Variants in NELL1 observed in about 807,000 individuals in gnomAD.
NELL1 encodes neural EGFL like 1.
Under a neutral mutation model 107.4 loss-of-function variants are expected in NELL1, and 76 were observed. The observed-to-expected ratio is 0.71, with a 90% confidence interval of 0.59 to 0.86. The LOEUF is 0.86. NELL1 is among the 40% of genes least tolerant of loss of function. The pLI, the probability that NELL1 is intolerant of heterozygous loss-of-function variation, is 0.00. For synonymous variants in NELL1, 353 were observed against 341.2 expected (o/e 1.03, Z -0.38); for missense variants, 1,024 against 1,005.5 (o/e 1.02, Z -0.25).
chr11:20,698,824 C>A (rs1047500159), intron 2 of NELL1, among the ~76,000 whole-genome samples: 1 of 152,172 alleles, frequency 6.6e-6, no homozygotes, highest in African/African-American at 2.4e-5. Flanking sequence ...TCCCCGAAGT[C>A]CATTATATTA....
At chr11:21,122,231 G>T (rs1255965811) in intron 13 of NELL1, among the ~76,000 whole-genome samples, 2 of 152,160 alleles carry the variant, frequency 1.3e-5, no homozygotes, top group African/African-American at 4.8e-5. Flanking sequence ...TAAAAGCCTT[G>T]TTAATATTTC....
chr11:20,998,799 A>G (rs932621356), intron 12 of NELL1, among the ~76,000 whole-genome samples: 1 of 152,192 alleles, frequency 6.6e-6, no homozygotes, highest in South Asian at 2.1e-4. Context: ...ATTGGATTAA[A>G]TTCAATCTAT....
At chr11:21,297,551 A>C (rs992090337) in intron 14 of NELL1, among the ~76,000 whole-genome samples, 4 of 152,060 alleles carry the variant, frequency 2.6e-5, no homozygotes, top group Admixed American at 2.6e-4. Context: ...TTTTACCAGC[A>C]GCAAGATCTG....
intron 16 of NELL1, among the ~76,000 whole-genome samples, chr11:21,541,461 A>G (rs146181646): frequency 5.9e-5 from 9 of 152,262 alleles, no homozygotes; most frequent in African/African-American, 2.2e-4. Context: ...GTCAGGAATA[A>G]TTGAAATGGC....
intron 3 of NELL1, among the ~76,000 whole-genome samples, chr11:20,791,536 C>T (rs1172571583): frequency 2.6e-5 from 4 of 152,106 alleles, no homozygotes; most frequent in Non-Finnish European, 5.9e-5. Context: ...TTTATGTCTT[C>T]CTGTCCTACC....
chr11:21,234,176 C>T (rs1360106381), intron 14 of NELL1, among the ~76,000 whole-genome samples: 2 of 152,216 alleles, frequency 1.3e-5, no homozygotes, highest in African/African-American at 4.8e-5. Flanking sequence ...GGCTATGTAA[C>T]TTGCAGAACC....
intron 3 of NELL1, among the ~76,000 whole-genome samples, chr11:20,786,842 A>G (rs1056738209): frequency 2.0e-5 from 3 of 151,796 alleles, no homozygotes; most frequent in African/African-American, 4.8e-5. Flanking sequence ...CCCCGTCTCT[A>G]CTAAAAATAC....
intron 3 of NELL1, among the ~76,000 whole-genome samples, chr11:20,822,130 A>G (rs1857769417): frequency 6.6e-6 from 1 of 152,220 alleles, no homozygotes; most frequent in South Asian, 2.1e-4. Flanking sequence ...AGCAGTGAAG[A>G]GTAGACTGAG....
intron 13 of NELL1, among the ~76,000 whole-genome samples, chr11:21,175,864 A>G (rs1278367768): frequency 6.6e-6 from 1 of 151,834 alleles, no homozygotes; most frequent in East Asian, 1.9e-4. Context: ...GTGCCGTCCA[A>G]TTTTGCCTTA....
rs571385987 is a variant in NELL1 at position 21,397,215 on chromosome 11, C to A, written c.1645+26267C>A. On this transcript the variant is annotated intron_variant, in intron 15 of 19. Transcript: ENST00000357134. The stretch of plus-strand genomic sequence containing the variant: ...ACTATGCTAACTTTTTATTGCCATG[C>A]AAAGTACATCAATGATTTATTGTTC... Among the ~76,000 whole-genome samples, 37 of 151,586 alleles carry A rather than the reference C, an allele frequency of 2.4e-4. No individual in the cohort carries two copies. In the Middle Eastern group the frequency reaches 0.017, roughly 70 times the overall value.
chr11:21,097,190 T>C (rs1228643316), intron 12 of NELL1, among the ~76,000 whole-genome samples: 1 of 152,152 alleles, frequency 6.6e-6, no homozygotes, highest in Non-Finnish European at 1.5e-5. Flanking sequence ...GTTCTTAACG[T>C]AGTCACCGAT....
intron 15 of NELL1, among the ~76,000 whole-genome samples, chr11:21,495,924 G>A (rs965666051): frequency 1.3e-5 from 2 of 151,836 alleles, no homozygotes; most frequent in East Asian, 1.9e-4. Flanking sequence ...TGTCATATAT[G>A]AGCTGCTCTG....
intron 7 of NELL1, among the ~76,000 whole-genome samples, chr11:20,923,920 C>T (rs1305530521): frequency 4.6e-5 from 7 of 152,158 alleles, no homozygotes; most frequent in African/African-American, 1.7e-4. Context: ...ATCCACCACA[C>T]AACTAATGTA....
rs145735934 is a variant in NELL1 at position 21,017,680 on chromosome 11, C to A, written c.1300+57120C>A. On this transcript the variant is annotated intron_variant, in intron 12 of 19. Coordinates refer to ENST00000357134, the MANE Select transcript of NELL1 (RefSeq NM_006157.5). ...CCGCTACTGGAATATGAGCTCCATTCTATTCTATACACCCTTATTGGGAGC... is the reference window on the plus strand; with the variant it reads ...CCGCTACTGGAATATGAGCTCCATTATATTCTATACACCCTTATTGGGAGC... Among the ~76,000 whole-genome samples the A allele has an allele frequency of 2.6e-3, 393 of 152,212 alleles. 1 individual carries two copies. Among genetic ancestry groups the A allele is most frequent in the South Asian group, 8.1e-3 (39 of 4,824 alleles).
intron 2 of NELL1, among the ~76,000 whole-genome samples, chr11:20,705,376 C>G (rs1404697813): frequency 6.6e-6 from 1 of 152,088 alleles, no homozygotes; most frequent in South Asian, 2.1e-4. Context: ...CTACAACCAT[C>G]TGATCTTTGA....
chr11:20,721,019 C>T (rs1590232645), intron 2 of NELL1, among the ~76,000 whole-genome samples: 1 of 151,904 alleles, frequency 6.6e-6, no homozygotes, highest in African/African-American at 2.4e-5. Context: ...CCAAGCTCAT[C>T]AGGTACATTT....
At chr11:20,942,247 G>A (rs928250998) in intron 10 of NELL1, among the ~76,000 whole-genome samples, 1 of 152,142 alleles carries the variant, frequency 6.6e-6, no homozygotes, top group African/African-American at 2.4e-5. Flanking sequence ...TAGCTTCCTT[G>A]AACCTCCCTA....
At chr11:20,988,634 A>G (rs1851904950) in intron 12 of NELL1, among the ~76,000 whole-genome samples, 1 of 151,272 alleles carries the variant, frequency 6.6e-6, no homozygotes, top group Admixed American at 6.6e-5. Flanking sequence ...GCTGTCACCC[A>G]GGCTGGAGTG....
intron 5 of NELL1, among the ~76,000 whole-genome samples, chr11:20,890,060 C>T (rs1203314805): frequency 2.0e-5 from 3 of 152,168 alleles, no homozygotes; most frequent in African/African-American, 7.2e-5. Context: ...TGAGACCCTC[C>T]AACAGGGGTT....
Sources: allele counts gnomAD v4.1 joint callset (sites outside exome capture counted in the v4.1 genomes callset), GRCh38; gene constraint gnomAD v4.1.1; transcripts MANE v1.5; gene names NCBI Gene and HGNC (gene_info 2026-07-23, HGNC 2026-07-21).